The following GRK5 variants were observed in gnomAD, a reference collection of about 807,000 sequenced individuals.
GRK5 encodes G protein-coupled receptor kinase 5.
A neutral mutation model predicts 78.4 loss-of-function variants in GRK5; 40 were observed. The ratio of observed to expected loss-of-function variants is 0.51; its 90% CI spans 0.40 to 0.66. The LOEUF (loss-of-function observed/expected upper bound fraction) is 0.66. Among genes scored for constraint, GRK5 ranks in the 30% least tolerant of loss-of-function variants. The probability of loss-of-function intolerance (pLI) is 0.00; values close to 1 mark genes in which losing one functional copy is unlikely to be tolerated. For synonymous variants in GRK5, 289 were observed against 296.8 expected (o/e 0.97, Z 0.27); for missense variants, 598 against 759.9 (o/e 0.79, Z 2.50).
In GRK5 at chr10:119,459,225, G is replaced by C. The variant is rs1368216874; in HGVS notation, c.*4158G>C. The stretch of plus-strand genomic sequence containing the variant: ...CGATTGCAAAGCCTCCTCTCCCAGA[G>C]ACCCCTTCTGCGCCTGCCCTCCCCA... On this transcript the variant is annotated 3_prime_UTR_variant, in exon 16 of 16. Coordinates refer to ENST00000392870, the MANE Select transcript of GRK5 (RefSeq NM_005308.3). 1 of 152,260 alleles carries C rather than the reference G, an allele frequency of 6.6e-6. No homozygotes were observed. The highest frequency in any genetic ancestry group is 1.9e-4 in the East Asian group (1 of 5,200). The allele number at this position is 152,260 out of a possible 1,614,324, so 9.4% of individuals were successfully genotyped here.
intron 3 of GRK5, among the ~76,000 whole-genome samples, chr10:119,395,474 C>T (rs1199498113): frequency 6.6e-6 from 1 of 152,170 alleles, no homozygotes. Flanking sequence ...AGTTCGGGTC[C>T]GTCTATGCTG....
chr10:119,238,990 A>G lies in GRK5; in HGVS notation c.52+31021A>G, dbSNP rs926019530. ...AACGTGATTTTTCATTTAATTATAT[A>G]TATAGTTTTCTTTTTTGTAATCTAA... On this transcript the variant is annotated intron_variant, in intron 1 of 15. Coordinates refer to ENST00000392870, the MANE Select transcript of GRK5 (RefSeq NM_005308.3). The surrounding 1 kb of genome is among the most constrained non-coding windows in gnomAD (Gnocchi z 4.7). Among the ~76,000 whole-genome samples, 2 of 152,064 alleles carry G rather than the reference A, an allele frequency of 1.3e-5. No individual in the cohort carries two copies. The highest frequency in any genetic ancestry group is 2.9e-5 in the Non-Finnish European group (2 of 68,016).
chr10:119,332,535 G>T (rs2133771803), intron 2 of GRK5, among the ~76,000 whole-genome samples: 1 of 152,334 alleles, frequency 6.6e-6, no homozygotes, highest in East Asian at 1.9e-4. Context: ...ATTGTAGGTT[G>T]TTGTCTACAT....
intron 2 of GRK5, among the ~76,000 whole-genome samples, chr10:119,343,713 T>A (rs1449827947): frequency 6.6e-6 from 1 of 152,188 alleles, no homozygotes; most frequent in African/African-American, 2.4e-5. Flanking sequence ...ACACCAGCCA[T>A]GCCTCCTGTC....
intron 2 of GRK5, among the ~76,000 whole-genome samples, chr10:119,357,616 G>T (rs61874544): frequency 2.5e-3 from 378 of 152,316 alleles, no homozygotes; most frequent in Non-Finnish European, 4.7e-3. Flanking sequence ...GGGAAATTCT[G>T]ACTGAAGTCC....
chr10:119,420,870 T>TGAGTC (rs1852557455), intron 4 of GRK5, among the ~76,000 whole-genome samples: 1 of 152,210 alleles, frequency 6.6e-6, no homozygotes, highest in Admixed American at 6.5e-5. Flanking sequence ...CATGAGCCAC[T>TGAGTC]GAGTCCTGCC....
intron 2 of GRK5, among the ~76,000 whole-genome samples, chr10:119,347,232 AGT>A (rs375221943): frequency 4.6e-5 from 7 of 151,714 alleles, no homozygotes; most frequent in African/African-American, 1.5e-4. Flanking sequence ...GTGTGTGTGC[AGT>A]GTGTGTGTGT....
intron 4 of GRK5, among the ~76,000 whole-genome samples, chr10:119,420,319 G>A (rs1465890050): frequency 2.8e-5 from 4 of 144,594 alleles, no homozygotes; most frequent in East Asian, 4.0e-4. Flanking sequence ...TTCATTTGGA[G>A]GAGAAAAGTT....
chr10:119,279,142 A>T (rs2133686451), intron 1 of GRK5, among the ~76,000 whole-genome samples: 1 of 152,086 alleles, frequency 6.6e-6, no homozygotes, highest in Non-Finnish European at 1.5e-5. Context: ...GGCCTCCCAA[A>T]GTGCTGGGAT....
chr10:119,249,629 C>T (rs1348328599), intron 1 of GRK5, among the ~76,000 whole-genome samples: 1 of 152,132 alleles, frequency 6.6e-6, no homozygotes, highest in Non-Finnish European at 1.5e-5. Context: ...TCCTAAGTAG[C>T]TGGGACTACA....
intron 6 of GRK5, among the ~76,000 whole-genome samples, chr10:119,428,502 A>G (rs1024873285): frequency 9.2e-5 from 14 of 152,206 alleles, no homozygotes; most frequent in Admixed American, 8.5e-4. Context: ...AGGCCTTCTC[A>G]TGATCATTTT....
chr10:119,326,974 TG>T (rs1258020159), intron 2 of GRK5, among the ~76,000 whole-genome samples: 1 of 152,054 alleles, frequency 6.6e-6, no homozygotes, highest in Admixed American at 6.5e-5. Flanking sequence ...GGGAGGGTGG[TG>T]GAGGTGGGCC....
intron 1 of GRK5, among the ~76,000 whole-genome samples, chr10:119,245,840 A>AC (rs1178510548): frequency 6.6e-6 from 1 of 151,592 alleles, no homozygotes; most frequent in Non-Finnish European, 1.5e-5. Context: ...ACATGATGAA[A>AC]CCCCGTCTCT....
At chr10:119,414,162 C>T (rs1852400294) in intron 4 of GRK5, among the ~76,000 whole-genome samples, 1 of 152,166 alleles carries the variant, frequency 6.6e-6, no homozygotes, top group South Asian at 2.1e-4. Context: ...AGCCTGTCCA[C>T]GTTGGGAAAT....
intron 1 of GRK5, among the ~76,000 whole-genome samples, chr10:119,215,477 G>C (rs1848556119): frequency 6.7e-6 from 1 of 149,740 alleles, no homozygotes; most frequent in African/African-American, 2.5e-5. Flanking sequence ...GAAATGGGTA[G>C]GAGAAGGAGA....
intron 2 of GRK5, among the ~76,000 whole-genome samples, chr10:119,346,886 C>T (rs1253854864): frequency 6.6e-6 from 1 of 152,228 alleles, no homozygotes; most frequent in African/African-American, 2.4e-5. Flanking sequence ...CAGGCCTCCT[C>T]TCGGGCCCGT....
At chr10:119,365,268 A>G (rs1589766635) in intron 2 of GRK5, among the ~76,000 whole-genome samples, 1 of 152,264 alleles carries the variant, frequency 6.6e-6, no homozygotes, top group East Asian at 1.9e-4. Context: ...GTGGTATTGC[A>G]TGCTGACAAA....
chr10:119,234,905 C>T (rs892466340), intron 1 of GRK5, among the ~76,000 whole-genome samples: 2 of 152,200 alleles, frequency 1.3e-5, no homozygotes, highest in African/African-American at 4.8e-5. Context: ...GAACTCCTGA[C>T]CTCAGGTGAT....
chr10:119,232,134 G>A lies in GRK5; in HGVS notation c.52+24165G>A, dbSNP rs552435225. On this transcript the variant is annotated intron_variant, in intron 1 of 15. Coordinates refer to ENST00000392870, the MANE Select transcript of GRK5 (RefSeq NM_005308.3). Reference sequence around the variant, plus strand: ...AGAAAATGTGGCATATATACACAACGGGAATCTATTCGGCCCTGAAGAATG... The same window carrying A: ...AGAAAATGTGGCATATATACACAACAGGAATCTATTCGGCCCTGAAGAATG... 6.9e-4 allele frequency among the ~76,000 whole-genome samples: 105 copies of A among 152,298 alleles called. 1 individual carries two copies. The highest frequency in any genetic ancestry group is 2.4e-3 in the African/African-American group (101 of 41,552).
Sources: allele counts gnomAD v4.1 joint callset (sites outside exome capture counted in the v4.1 genomes callset), GRCh38; gene constraint gnomAD v4.1.1; non-coding constraint Gnocchi (gnomAD v3.1); transcripts MANE v1.5; gene names NCBI Gene and HGNC (gene_info 2026-07-23, HGNC 2026-07-21).